The following GRK3 variants were observed in gnomAD, a reference collection of about 807,000 sequenced individuals.
GRK3 encodes adrenergic, beta, receptor kinase 2.
GRK3 carries 54 observed loss-of-function variants against 95.7 expected under a neutral mutation model. That is an observed-to-expected ratio of 0.56 (90% CI 0.45 to 0.71). The LOEUF is 0.71. GRK3 is among the 30% of genes least tolerant of loss of function. GRK3 has a pLI of 0.00. For missense variants in GRK3, 649 were observed against 851.2 expected (o/e 0.76, Z 2.96); for synonymous variants, 281 against 290.8 (o/e 0.97, Z 0.34).
chr22:25,575,044 C>T (rs116045570), intron 1 of GRK3, among the ~76,000 whole-genome samples: 2,154 of 152,238 alleles, frequency 0.014, 50 homozygotes, highest in African/African-American at 0.048. Flanking sequence ...TTCTCTTCAT[C>T]CCTCCAATAA....
At chr22:25,594,048 T>C (rs1932586221) in intron 1 of GRK3, among the ~76,000 whole-genome samples, 2 of 152,220 alleles carry the variant, frequency 1.3e-5, no homozygotes, top group African/African-American at 4.8e-5. Flanking sequence ...ATCCTCTAGC[T>C]TTGTTCTTTT....
chr22:25,642,909 G>T, intron 2 of GRK3, among the ~76,000 whole-genome samples: 1 of 152,122 alleles, frequency 6.6e-6, no homozygotes, highest in East Asian at 1.9e-4. Flanking sequence ...ACAGCATTCC[G>T]TTAGATAGAC....
intron 2 of GRK3, among the ~76,000 whole-genome samples, chr22:25,632,400 C>A (rs1292977097): frequency 6.6e-6 from 1 of 152,136 alleles, no homozygotes; most frequent in Non-Finnish European, 1.5e-5. Flanking sequence ...CTCATTATTG[C>A]ATTTTGAGAG....
chr22:25,677,755 C>T (rs1416910737), intron 8 of GRK3, among the ~76,000 whole-genome samples: 5 of 152,202 alleles, frequency 3.3e-5, no homozygotes, highest in African/African-American at 1.2e-4. Flanking sequence ...AGTAGTCCAT[C>T]ATCTGGGAAT....
intron 12 of GRK3, among the ~76,000 whole-genome samples, chr22:25,691,821 G>A (rs1601530428): frequency 6.6e-6 from 1 of 152,124 alleles, no homozygotes. Context: ...AGCTCTGAAC[G>A]GTGGGCTGTT....
chr22:25,678,314 T>G (rs1269533518), intron 8 of GRK3, among the ~76,000 whole-genome samples: 1 of 151,910 alleles, frequency 6.6e-6, no homozygotes, highest in African/African-American at 2.4e-5. Context: ...AATTAGCCGG[T>G]CATGGTGGCG....
At chr22:25,719,206 A>C (rs1387500856) in intron 19 of GRK3, among the ~76,000 whole-genome samples, 2 of 152,112 alleles carry the variant, frequency 1.3e-5, no homozygotes, top group Non-Finnish European at 2.9e-5. Context: ...TAAAAAAAAA[A>C]AAAACTCCAT....
chr22:25,599,591 C>CAAAAAA (rs35202175), intron 1 of GRK3, among the ~76,000 whole-genome samples: 4 of 82,368 alleles, frequency 4.9e-5, no homozygotes, highest in Non-Finnish European at 1.2e-4. Flanking sequence ...GACTCTGTCT[C>CAAAAAA]AAAAAAAAAA....
intron 2 of GRK3, among the ~76,000 whole-genome samples, chr22:25,633,705 G>A (rs1042272263): frequency 6.6e-6 from 1 of 151,890 alleles, no homozygotes; most frequent in Non-Finnish European, 1.5e-5. Flanking sequence ...ATAATATAGG[G>A]CACTTTTGAT....
chr22:25,566,344 T>C (rs1259775464), intron 1 of GRK3, among the ~76,000 whole-genome samples: 6 of 152,356 alleles, frequency 3.9e-5, no homozygotes, highest in Non-Finnish European at 2.9e-5. Flanking sequence ...CGCCCAAGAT[T>C]GCTTAAATGT....
intron 2 of GRK3, among the ~76,000 whole-genome samples, chr22:25,630,626 G>A (rs915012888): frequency 6.6e-6 from 1 of 152,142 alleles, no homozygotes; most frequent in Non-Finnish European, 1.5e-5. Flanking sequence ...GTCCCAGTTC[G>A]CGTTGTTCCT....
At chr22:25,694,775 C>A (rs185355565) in intron 12 of GRK3, among the ~76,000 whole-genome samples, 71 of 152,310 alleles carry the variant, frequency 4.7e-4, no homozygotes, top group Non-Finnish European at 9.3e-4. Flanking sequence ...CCTCCCCTGA[C>A]CCCATGCACC....
intron 13 of GRK3, among the ~76,000 whole-genome samples, chr22:25,698,426 C>T (rs1382878870): frequency 2.0e-5 from 3 of 152,114 alleles, no homozygotes; most frequent in East Asian, 1.9e-4. Flanking sequence ...CGATGTGCTG[C>T]GAGCACAGAC....
intron 15 of GRK3, among the ~76,000 whole-genome samples, chr22:25,707,934 C>T (rs552798614): frequency 3.1e-4 from 47 of 152,010 alleles, no homozygotes; most frequent in Non-Finnish European, 6.0e-4. Context: ...CCAGTAGCAT[C>T]CTGAGCAGGA....
intron 12 of GRK3, among the ~76,000 whole-genome samples, chr22:25,694,068 G>A (rs2085187271): frequency 6.6e-6 from 1 of 152,174 alleles, no homozygotes; most frequent in Non-Finnish European, 1.5e-5. Flanking sequence ...TGGGATTACA[G>A]GCATGAGTCA....
Position 25,695,227 on chromosome 22 carries a change from G to A in GRK3, c.1160+13G>A. 2 of 1,593,336 alleles carry A rather than the reference G, an allele frequency of 1.3e-6. No homozygotes were observed. Among genetic ancestry groups the A allele is most frequent in the Non-Finnish European group, 1.7e-6 (2 of 1,161,142 alleles). The stretch of plus-strand genomic sequence containing the variant: ...AACTTCTGAGAGGGTGAGTTGAAAT[G>A]CATCCTTCTAGTGCTGTCCTCATGG... On this transcript the variant is annotated intron_variant, in intron 13 of 20. Coordinates refer to ENST00000324198, the MANE Select transcript of GRK3 (RefSeq NM_005160.4).
intron 2 of GRK3, among the ~76,000 whole-genome samples, chr22:25,605,510 G>A (rs1157385859): frequency 6.6e-6 from 1 of 152,050 alleles, no homozygotes; most frequent in African/African-American, 2.4e-5. Flanking sequence ...TGAGAGTGGA[G>A]GGAAAAAGGA....
In GRK3 at chr22:25,648,451, T is replaced by A; in HGVS notation, c.264+3786T>A. On this transcript the variant is annotated intron_variant, in intron 3 of 20. Coordinates refer to ENST00000324198, the MANE Select transcript of GRK3 (RefSeq NM_005160.4). ...TAATCTTTGCGACTAGAGGTTAAAC[T>A]AGGACAAGGATGTTTTGGCAAAGTG... The A allele has an allele frequency of 3.0e-6, 4 of 1,312,100 alleles. 1 individual carries two copies. In the East Asian group the frequency reaches 9.2e-5, roughly 30 times the overall value. 81.3% of individuals were successfully genotyped at this position (1,312,100 alleles called of 1,614,324 possible).
chr22:25,709,183 G>A (rs890507209), intron 15 of GRK3, among the ~76,000 whole-genome samples: 66 of 152,054 alleles, frequency 4.3e-4, no homozygotes, highest in African/African-American at 1.4e-3. Flanking sequence ...GATTACAGGC[G>A]CCCGTCACCA....
Sources: allele counts gnomAD v4.1 joint callset (sites outside exome capture counted in the v4.1 genomes callset), GRCh38; gene constraint gnomAD v4.1.1; transcripts MANE v1.5; gene names NCBI Gene and HGNC (gene_info 2026-07-23, HGNC 2026-07-21).